ST6GALNAC3: variants seen among roughly 807,000 people sequenced by gnomAD.
ST6GALNAC3 encodes the protein alpha-N-acetylgalactosaminide alpha-2,6-sialyltransferase 3.
ST6GALNAC3 carries 25 observed loss-of-function variants against 32.7 expected under a neutral mutation model. That is an observed-to-expected ratio of 0.76 (90% CI 0.56 to 1.07). ST6GALNAC3 has a LOEUF of 1.07. Ranked by LOEUF, ST6GALNAC3 falls within the 50% of genes least tolerant of loss-of-function variation. The pLI is 0.00. For missense variants in ST6GALNAC3, 355 were observed against 382.4 expected (o/e 0.93, Z 0.60); for synonymous variants, 129 against 133.1 (o/e 0.97, Z 0.21).
chr1:76,381,168 TA>T (rs71852050), intron 2 of ST6GALNAC3, among the ~76,000 whole-genome samples: 9,681 of 90,228 alleles, frequency 0.11, 734 homozygotes, highest in African/African-American at 0.27. Flanking sequence ...TTTGGGCTGC[TA>T]AAAAAAAAAA....
At chr1:76,303,413 G>T (rs1434558941) in intron 1 of ST6GALNAC3, among the ~76,000 whole-genome samples, 3 of 151,972 alleles carry the variant, frequency 2.0e-5, no homozygotes, top group African/African-American at 7.2e-5. Context: ...TTAGTCCTAG[G>T]AAGTCAGCGT....
chr1:76,526,892 G>A (rs1662946173), intron 3 of ST6GALNAC3, among the ~76,000 whole-genome samples: 2 of 152,050 alleles, frequency 1.3e-5, no homozygotes, highest in African/African-American at 4.8e-5. Flanking sequence ...AAAAAAGCCA[G>A]TTGTAGAAAA....
chr1:76,557,453 C>T (rs760063049), intron 3 of ST6GALNAC3, among the ~76,000 whole-genome samples: 1 of 151,996 alleles, frequency 6.6e-6, no homozygotes, highest in Admixed American at 6.6e-5. Context: ...AACTAATGTT[C>T]CATCAGGATT....
At chr1:76,242,682 C>T (rs1431911756) in intron 1 of ST6GALNAC3, among the ~76,000 whole-genome samples, 1 of 152,126 alleles carries the variant, frequency 6.6e-6, no homozygotes, top group Non-Finnish European at 1.5e-5. Flanking sequence ...TTCACTCCCA[C>T]TTATGAGTGA....
intron 2 of ST6GALNAC3, among the ~76,000 whole-genome samples, chr1:76,374,148 A>C (rs1237396731): frequency 6.6e-6 from 1 of 152,220 alleles, no homozygotes; most frequent in Non-Finnish European, 1.5e-5. Flanking sequence ...CTTAGCACTT[A>C]TATAGGGCTT....
In ST6GALNAC3 at chr1:76,537,334, G is replaced by A. The variant is rs550008593; in HGVS notation, c.624-90118G>A. Among the ~76,000 whole-genome samples, 6 of 152,198 alleles carry A rather than the reference G, an allele frequency of 3.9e-5. No individual in the cohort carries two copies. The South Asian group carries it at 6.2e-4, about 16-fold the overall frequency. ...CGACATAGCTAAAGCAGTGTTAAGC[G>A]GGAAATTTATAGTACTAAATGCCCA... On this transcript the variant is annotated intron_variant, in intron 3 of 4. Transcript: ENST00000328299.
At chr1:76,337,329 A>G (rs1005792741) in intron 2 of ST6GALNAC3, among the ~76,000 whole-genome samples, 1 of 152,228 alleles carries the variant, frequency 6.6e-6, no homozygotes, top group African/African-American at 2.4e-5. Context: ...GAGGGGTGCC[A>G]GATGTGCGAG....
chr1:76,243,695 T>G (rs1219606267), intron 1 of ST6GALNAC3, among the ~76,000 whole-genome samples: 1 of 152,234 alleles, frequency 6.6e-6, no homozygotes. Context: ...CCCAGTACAT[T>G]TATTAAATAG....
chr1:76,209,793 G>T (rs927030618), intron 1 of ST6GALNAC3, among the ~76,000 whole-genome samples: 4 of 152,190 alleles, frequency 2.6e-5, no homozygotes, highest in Non-Finnish European at 5.9e-5. Flanking sequence ...GGAGCTACAG[G>T]TCTGATTTCA....
intron 1 of ST6GALNAC3, among the ~76,000 whole-genome samples, chr1:76,221,240 G>A (rs149945320): frequency 6.6e-6 from 1 of 152,238 alleles, no homozygotes; most frequent in African/African-American, 2.4e-5. Flanking sequence ...CGCATAATTT[G>A]ATTAATTTCC....
chr1:76,335,425 C>T (rs1292157776), intron 2 of ST6GALNAC3, among the ~76,000 whole-genome samples: 6 of 111,524 alleles, frequency 5.4e-5, no homozygotes, highest in Non-Finnish European at 9.2e-5. Context: ...GATCTCATCA[C>T]AGGGAACACA....
intron 2 of ST6GALNAC3, among the ~76,000 whole-genome samples, chr1:76,336,742 C>T (rs1031885237): frequency 2.0e-5 from 3 of 152,146 alleles, no homozygotes; most frequent in South Asian, 4.1e-4. Context: ...CCTTTTATCC[C>T]CCACTCATTT....
At chr1:76,350,827 C>G (rs1648917639) in intron 2 of ST6GALNAC3, among the ~76,000 whole-genome samples, 1 of 151,938 alleles carries the variant, frequency 6.6e-6, no homozygotes, top group Non-Finnish European at 1.5e-5. Context: ...ATACTAGGTT[C>G]CTGAAGCTTT....
chr1:76,080,258 T>G (rs920474865), intron 1 of ST6GALNAC3, among the ~76,000 whole-genome samples: 11 of 152,098 alleles, frequency 7.2e-5, no homozygotes, highest in Admixed American at 1.3e-4. Context: ...CAGTAGGTGA[T>G]CCTTAAGTGT....
At chr1:76,507,362 A>G (rs1371022223) in intron 3 of ST6GALNAC3, among the ~76,000 whole-genome samples, 2 of 152,166 alleles carry the variant, frequency 1.3e-5, no homozygotes, top group Non-Finnish European at 2.9e-5. Context: ...AGAGTTGTGC[A>G]ATCATTCTCA....
chr1:76,214,950 T>C (rs1326158043), intron 1 of ST6GALNAC3, among the ~76,000 whole-genome samples: 1 of 152,214 alleles, frequency 6.6e-6, no homozygotes, highest in Non-Finnish European at 1.5e-5. Flanking sequence ...TTCACTTTTC[T>C]GAATCACTGT....
chr1:76,615,910 A>G (rs1245750359), intron 3 of ST6GALNAC3, among the ~76,000 whole-genome samples: 1 of 118,648 alleles, frequency 8.4e-6, no homozygotes, highest in Non-Finnish European at 1.7e-5. Flanking sequence ...CTTCCCTCTG[A>G]GAGAGATGGC....
At chr1:76,281,134 CTA>C (rs1306869114) in intron 1 of ST6GALNAC3, among the ~76,000 whole-genome samples, 1 of 152,176 alleles carries the variant, frequency 6.6e-6, no homozygotes, top group African/African-American at 2.4e-5. Flanking sequence ...AGCAGAGCCA[CTA>C]ACTGATATTT....
rs148574599 is a variant in ST6GALNAC3, at chr1:76,587,553, T to TC, written c.624-39897dup. 5.8e-3 allele frequency among the ~76,000 whole-genome samples: 882 copies of TC among 152,266 alleles called. 6 individuals carry two copies. The highest frequency in any genetic ancestry group is 0.02 in the African/African-American group (833 of 41,554). The stretch of plus-strand genomic sequence containing the variant: ...ATATGCTTGCACACAACGAATCAGG[T>TC]CCAAATCCCACTTCTAGGCTTACTG... On this transcript the variant is annotated intron_variant, in intron 3 of 4. Coordinates refer to ENST00000328299, the MANE Select transcript of ST6GALNAC3 (RefSeq NM_152996.4).
Sources: allele counts gnomAD v4.1 joint callset (sites outside exome capture counted in the v4.1 genomes callset), GRCh38; gene constraint gnomAD v4.1.1; transcripts MANE v1.5; gene names NCBI Gene and HGNC (gene_info 2026-07-23, HGNC 2026-07-21).